Variants in FGFR2 observed in about 807,000 individuals in gnomAD.
The protein encoded by FGFR2 is fibroblast growth factor receptor 2.
FGFR2 carries 19 observed loss-of-function variants against 95.9 expected under a neutral mutation model. That is an observed-to-expected ratio of 0.20 (90% CI 0.14 to 0.29). The LOEUF (loss-of-function observed/expected upper bound fraction) is 0.29. Among genes scored for constraint, FGFR2 ranks in the 10% least tolerant of loss-of-function variants. The pLI is 1.00. For missense variants in FGFR2, 707 were observed against 1,056.9 expected (o/e 0.67, Z 4.59); for synonymous variants, 392 against 393.3 (o/e 1.00, Z 0.04).
chr10:121,583,527 G>A (rs1365440426), intron 2 of FGFR2: 1 of 152,308 alleles, frequency 6.6e-6, no homozygotes, highest in Non-Finnish European at 1.5e-5. Context: ...CTTGGCAGCA[G>A]TCAGGGTTAG....
chr10:121,504,806 A>C (rs1473129462), intron 9 of FGFR2, among the ~76,000 whole-genome samples: 1 of 130,450 alleles, frequency 7.7e-6, no homozygotes, highest in Non-Finnish European at 1.7e-5. Context: ...TAAATATATC[A>C]CTGTCCTTTG....
chr10:121,542,041 G>A (rs895990814), intron 5 of FGFR2, among the ~76,000 whole-genome samples: 1 of 152,182 alleles, frequency 6.6e-6, no homozygotes, highest in South Asian at 2.1e-4. Context: ...CATCCTGTAT[G>A]AACTGATGGA....
chr10:121,524,841 G>A (rs909596130), intron 6 of FGFR2, among the ~76,000 whole-genome samples: 12 of 152,106 alleles, frequency 7.9e-5, no homozygotes, highest in Admixed American at 6.5e-5. Context: ...GAACCTCCCC[G>A]GTCCCTGGGC....
Position 121,517,055 on chromosome 10 carries a change from C to G in FGFR2, c.1084+264G>C, listed in dbSNP as rs1057272908. Among the ~76,000 whole-genome samples the G allele has an allele frequency of 6.6e-6, 1 of 152,226 alleles. No individual in the cohort carries two copies. The highest frequency in any genetic ancestry group is 1.5e-5 in the Non-Finnish European group (1 of 68,044). On this transcript the variant is annotated intron_variant, in intron 8 of 17. Transcript: ENST00000358487. The surrounding 1 kb of genome is among the most constrained non-coding windows in gnomAD (Gnocchi z 4.7). The stretch of plus-strand genomic sequence containing the variant: ...AGAAAGGGGGATGGGCTAATTTATA[C>G]ATTGGCTCAATGACTCACTAAAAAT...
rs373126720 is a variant in FGFR2 at position 121,493,448 on chromosome 10, G to A, written c.1863+3084C>T. ...CCTCTAGGACCAGGACTCAACACCC[G>A]TGCTTCTCACCAGTCTGAGCGCCGA... On this transcript the variant is annotated intron_variant, in intron 13 of 17. Transcript: ENST00000358487. Among the ~76,000 whole-genome samples the A allele has an allele frequency of 4.6e-5, 7 of 152,220 alleles. 1 individual carries two copies. The highest frequency in any genetic ancestry group is 2.0e-4 in the Admixed American group (3 of 15,286).
In FGFR2 at chr10:121,550,296, G is replaced by T. The variant is rs532082889; in HGVS notation, c.624+994C>A. On this transcript the variant is annotated intron_variant, in intron 5 of 17. Coordinates refer to ENST00000358487, the MANE Select transcript of FGFR2 (RefSeq NM_000141.5). ...GAGTTCTCCTCTGCCTCTCCTGCTG[G>T]ACTGGACTAAGAGCCCCTTGGAGCT... 5.9e-5 allele frequency among the ~76,000 whole-genome samples: 9 copies of T among 152,226 alleles called. No individual in the cohort carries two copies. In the South Asian group the frequency reaches 1.5e-3, roughly 25 times the overall value.
intron 17 of FGFR2, chr10:121,481,704 G>A (rs1266085149): frequency 4.4e-6 from 1 of 227,384 alleles, no homozygotes; most frequent in Admixed American, 5.7e-5. Context: ...TTTTATTTTA[G>A]GGTACTAGAT....
intron 6 of FGFR2, among the ~76,000 whole-genome samples, chr10:121,535,661 C>T (rs1280670074): frequency 6.6e-6 from 1 of 152,180 alleles, no homozygotes; most frequent in Non-Finnish European, 1.5e-5. Flanking sequence ...TTATTATCGC[C>T]ACAATTACCA....
chr10:121,566,444 G>A (rs966440074), intron 2 of FGFR2, among the ~76,000 whole-genome samples: 5 of 152,076 alleles, frequency 3.3e-5, no homozygotes, highest in Admixed American at 2.6e-4. Context: ...AAATGAAGCC[G>A]CTGGGTGCTG....
chr10:121,524,099 T>TGTAC (rs1554933373), intron 6 of FGFR2, among the ~76,000 whole-genome samples: 72 of 137,286 alleles, frequency 5.2e-4, no homozygotes, highest in East Asian at 3.9e-3. Flanking sequence ...CCCGGCTATG[T>TGTAC]ATACACACAC....
intron 17 of FGFR2, among the ~76,000 whole-genome samples, chr10:121,483,020 C>T (rs1436007054): frequency 1.3e-5 from 2 of 152,206 alleles, no homozygotes; most frequent in African/African-American, 4.8e-5. Flanking sequence ...TGCTCTCGAA[C>T]TCCTGGCCTC....
In FGFR2 at chr10:121,504,099, C is replaced by T. The variant is rs3135773; in HGVS notation, c.1288-158G>A. ...ATTAGAAAACCACTGGAATCTAACT[C>T]CTCTGCCCTCCAGTCCATGCAGTAC... On this transcript the variant is annotated intron_variant, in intron 9 of 17. Coordinates refer to ENST00000358487, the MANE Select transcript of FGFR2 (RefSeq NM_000141.5). Among the ~76,000 whole-genome samples, 555 of 152,296 alleles carry T rather than the reference C, an allele frequency of 3.6e-3. 2 individuals carry two copies. Among genetic ancestry groups the T allele is most frequent in the Middle Eastern group, 6.8e-3 (2 of 294 alleles).
rs113242955 is a variant in FGFR2 at position 121,581,818 on chromosome 10, C to T, written c.109+11891G>A. Reference sequence around the variant, plus strand: ...GCAGCAGCAGCTTCATAGTCCCAGTCCCTGGGAACTCCTAAACATGGGGCA... The same window carrying T: ...GCAGCAGCAGCTTCATAGTCCCAGTTCCTGGGAACTCCTAAACATGGGGCA... On this transcript the variant is annotated intron_variant, in intron 2 of 17. Transcript: ENST00000358487. Among the ~76,000 whole-genome samples, 1,023 of 150,890 alleles carry T rather than the reference C, an allele frequency of 6.8e-3. 7 individuals carry two copies. Among genetic ancestry groups the T allele is most frequent in the Non-Finnish European group, 0.01 (708 of 67,796 alleles).
chr10:121,480,267 C>A, intron 17 of FGFR2: 1 of 572,284 alleles, frequency 1.7e-6, no homozygotes, highest in Non-Finnish European at 3.2e-6. Flanking sequence ...GTCTGATGTA[C>A]CCCAGGCTGT....
At chr10:121,498,336 G>A (rs1349944370) in intron 12 of FGFR2, among the ~76,000 whole-genome samples, 159 bp downstream of exon 12, 1 of 152,174 alleles carries the variant, frequency 6.6e-6, no homozygotes, top group Non-Finnish European at 1.5e-5. Flanking sequence ...CCTTCTTTGT[G>A]TTCATGGCTA....
intron 6 of FGFR2, chr10:121,526,692 A>G: frequency 7.5e-6 from 3 of 398,626 alleles, no homozygotes; most frequent in Non-Finnish European, 1.3e-5. Flanking sequence ...CTCCTAGAAT[A>G]GATGAGTGGG....
chr10:121,571,167 T>G (rs1858626973), intron 2 of FGFR2, among the ~76,000 whole-genome samples: 1 of 151,220 alleles, frequency 6.6e-6, no homozygotes, highest in African/African-American at 2.4e-5. Flanking sequence ...TTTTGGTATT[T>G]TTTTTAGTAG....
intron 6 of FGFR2, among the ~76,000 whole-genome samples, chr10:121,537,565 C>T (rs1853037516): frequency 6.6e-6 from 1 of 152,132 alleles, no homozygotes; most frequent in Admixed American, 6.5e-5. Flanking sequence ...CACACACGCA[C>T]AGGCTATGAT....
At chr10:121,550,930 A>G (rs1038106873) in intron 5 of FGFR2, among the ~76,000 whole-genome samples, 5 of 152,164 alleles carry the variant, frequency 3.3e-5, no homozygotes, top group African/African-American at 4.8e-5. Context: ...AAAATAAACA[A>G]AAATGTAGGG....
Sources: gnomAD v4.1 joint callset for allele counts (sites outside exome capture counted in the v4.1 genomes callset) on GRCh38, gnomAD v4.1.1 for gene constraint, Gnocchi (gnomAD v3.1) non-coding constraint, MANE v1.5 for transcripts, NCBI Gene and HGNC (gene_info 2026-07-23, HGNC 2026-07-21) for gene names.